Variants in LRP1B observed in about 807,000 individuals in gnomAD.
LRP1B encodes LDL receptor related protein 1B.
A neutral mutation model predicts 556.6 loss-of-function variants in LRP1B; 217 were observed. The observed-to-expected ratio is 0.39, with a 90% CI of 0.35 to 0.44. The LOEUF is 0.44. Ranked by LOEUF, LRP1B falls within the 20% of genes least tolerant of loss-of-function variation. The pLI is 1.00. For missense variants in LRP1B, 5,053 were observed against 5,620.8 expected (o/e 0.90, Z 3.23); for synonymous variants, 2,047 against 1,865.8 (o/e 1.10, Z -2.50).
At chr2:140,316,902 T>G (rs184048180) in intron 82 of LRP1B, among the ~76,000 whole-genome samples, 81 of 152,184 alleles carry the variant, frequency 5.3e-4, no homozygotes, top group Middle Eastern at 3.4e-3. Flanking sequence ...GTCTCCAAAG[T>G]GTACTGTAAA....
chr2:140,576,276 T>C (rs1054519888), intron 43 of LRP1B, among the ~76,000 whole-genome samples: 14 of 152,216 alleles, frequency 9.2e-5, no homozygotes, highest in African/African-American at 3.1e-4. Flanking sequence ...CTCAGTGATT[T>C]TTGCAGACTC....
chr2:140,813,797 A>G lies in LRP1B; in HGVS notation c.5219T>C (p.Ile1740Thr). 1 of 1,605,608 alleles carries G rather than the reference A, an allele frequency of 6.2e-7. No individual in the cohort carries two copies. Among genetic ancestry groups the G allele is most frequent in the Non-Finnish European group, 8.5e-7 (1 of 1,173,772 alleles). Reference sequence around the variant, plus strand: ...ATAAAGCTTGTTTTCCACATAGTCTATCGATAGACCTGTAATTAAATTTTA... The same window carrying G: ...ATAAAGCTTGTTTTCCACATAGTCTGTCGATAGACCTGTAATTAAATTTTA... Reference protein sequence around the residue: ...QNQKEPVGLSIDYVENKLYWI... With the variant: ...QNQKEPVGLSTDYVENKLYWI... Residue 1740 changes from isoleucine (I) to threonine (T), a missense_variant, in exon 32 of 91, where the codon ATA becomes ACA. By Grantham distance (89) the Ile-to-Thr change is moderately conservative. Around this residue, in one of 5 missense-constraint regions of LRP1B, gnomAD observed 3,619 missense variants for 3,931.9 expected, o/e 0.92. Coordinates refer to ENST00000389484, the MANE Select transcript of LRP1B (RefSeq NM_018557.3).
chr2:141,934,242 A>C, intron 1 of LRP1B, among the ~76,000 whole-genome samples: 2 of 152,240 alleles, frequency 1.3e-5, no homozygotes, highest in Admixed American at 1.3e-4. Context: ...AAAAATAGAA[A>C]AAGATGGAAA....
At chr2:140,291,318 A>ATATTT (rs369391920) in intron 84 of LRP1B, among the ~76,000 whole-genome samples, 1 of 109,334 alleles carries the variant, frequency 9.1e-6, no homozygotes, top group African/African-American at 3.0e-5. Flanking sequence ...ATATATATAT[A>ATATTT]TTTTTATTAT....
At chr2:140,274,141 C>A (rs183408777) in intron 85 of LRP1B, among the ~76,000 whole-genome samples, 1 of 151,882 alleles carries the variant, frequency 6.6e-6, no homozygotes, top group Admixed American at 6.6e-5. Context: ...ATGCTGAATG[C>A]CAGCATTTCT....
At chr2:140,624,109 C>T (rs1683565763) in intron 41 of LRP1B, among the ~76,000 whole-genome samples, 1 of 151,808 alleles carries the variant, frequency 6.6e-6, no homozygotes. Context: ...TTAGCTATGA[C>T]TGAACCCATT....
chr2:141,152,089 C>T (rs1033854652), intron 7 of LRP1B, among the ~76,000 whole-genome samples: 218 of 151,840 alleles, frequency 1.4e-3, no homozygotes, highest in African/African-American at 5.1e-3. Flanking sequence ...ATAATGAAGC[C>T]GTTTGCTCAC....
intron 3 of LRP1B, among the ~76,000 whole-genome samples, chr2:141,308,748 A>T (rs956681550): frequency 6.6e-6 from 1 of 152,160 alleles, no homozygotes; most frequent in Admixed American, 6.5e-5. Flanking sequence ...AACATACAAC[A>T]TGTTGGATAT....
chr2:141,589,706 A>T (rs1008542938), intron 2 of LRP1B, among the ~76,000 whole-genome samples: 1 of 152,156 alleles, frequency 6.6e-6, no homozygotes, highest in African/African-American at 2.4e-5. Context: ...CTCGAGTTTT[A>T]TTGTTTAAAT....
At chr2:141,846,983 C>CT (rs1364510579) in intron 1 of LRP1B, among the ~76,000 whole-genome samples, 8 of 151,328 alleles carry the variant, frequency 5.3e-5, no homozygotes, top group African/African-American at 1.9e-4. Flanking sequence ...TTCTCTCTTA[C>CT]TAAATAAGGT....
At chr2:140,275,483 A>G (rs1043134274) in intron 84 of LRP1B, among the ~76,000 whole-genome samples, 3 of 152,020 alleles carry the variant, frequency 2.0e-5, no homozygotes, top group Admixed American at 2.0e-4. Flanking sequence ...AGTGGCAGTC[A>G]GCCACATGTG....
chr2:141,019,806 T>C, intron 12 of LRP1B, 116 bp downstream of exon 12: 1 of 726,502 alleles, frequency 1.4e-6, no homozygotes, highest in Non-Finnish European at 2.1e-6. Context: ...ACTAAGACCA[T>C]TTGTGTGGAA....
At chr2:141,160,321 T>C (rs1188025223) in intron 7 of LRP1B, among the ~76,000 whole-genome samples, 1 of 151,994 alleles carries the variant, frequency 6.6e-6, no homozygotes, top group African/African-American at 2.4e-5. Context: ...GGTGAAACTG[T>C]ACAGCCTCAC....
chr2:141,425,389 T>C (rs1411060402), intron 3 of LRP1B, among the ~76,000 whole-genome samples: 1 of 149,706 alleles, frequency 6.7e-6, no homozygotes, highest in Non-Finnish European at 1.5e-5. Context: ...TATGTGTGCA[T>C]GTGTCTTTAT....
At chr2:141,325,294 T>C (rs1268177817) in intron 3 of LRP1B, among the ~76,000 whole-genome samples, 1 of 152,098 alleles carries the variant, frequency 6.6e-6, no homozygotes, top group Non-Finnish European at 1.5e-5. Context: ...TGGTCATTTA[T>C]TTTTCTTGCA....
chr2:141,202,563 C>T (rs896156778), intron 6 of LRP1B, among the ~76,000 whole-genome samples: 1 of 151,904 alleles, frequency 6.6e-6, no homozygotes, highest in Non-Finnish European at 1.5e-5. Context: ...TTTTTCTCTG[C>T]AACCTCGCCA....
intron 3 of LRP1B, among the ~76,000 whole-genome samples, chr2:141,377,513 A>G (rs1689483371): frequency 6.6e-6 from 1 of 151,996 alleles, no homozygotes; most frequent in African/African-American, 2.4e-5. Flanking sequence ...TTCCTCCCCA[A>G]TTTTTTAGTT....
chr2:140,845,252 G>A (rs1274331750), intron 29 of LRP1B, among the ~76,000 whole-genome samples: 1 of 152,110 alleles, frequency 6.6e-6, no homozygotes, highest in Non-Finnish European at 1.5e-5. Context: ...GTAAAGATTA[G>A]TAGCCATAAG....
intron 3 of LRP1B, among the ~76,000 whole-genome samples, chr2:141,441,029 CAAT>C: frequency 6.6e-6 from 1 of 150,724 alleles, no homozygotes; most frequent in African/African-American, 2.4e-5. Flanking sequence ...CTCAAAATGT[CAAT>C]AGTGTGAGGC....
Sources: gnomAD v4.1 joint callset for allele counts (sites outside exome capture counted in the v4.1 genomes callset) on GRCh38, gnomAD v4.1.1 for gene constraint, gnomAD v4.1.1 regional missense constraint, MANE v1.5 for transcripts, NCBI Gene and HGNC (gene_info 2026-07-23, HGNC 2026-07-21) for gene names.